Variants in GSDMC observed in about 807,000 individuals in gnomAD.
The protein encoded by GSDMC is gasdermin C, also known as gasdermin-C.
In GSDMC, 59 loss-of-function variants were observed where a neutral mutation model predicts 58.0. The observed-to-expected ratio is 1.02, with a 90% CI of 0.82 to 1.26. The LOEUF is 1.26. Among genes scored for constraint, GSDMC ranks in the 50% most tolerant of loss-of-function variants. The pLI is 0.00. For synonymous variants in GSDMC, 241 were observed against 220.2 expected (o/e 1.09, Z -0.83); for missense variants, 659 against 598.5 (o/e 1.10, Z -1.06).
At chr8:129,708,512 G>T in the GSDMC span, among the ~76,000 whole-genome samples, 1 of 152,232 alleles carries the variant, frequency 6.6e-6, no homozygotes, top group Non-Finnish European at 1.5e-5. Context: ...CTAGAACCCA[G>T]AAAGGGAAAA....
intron 6 of GSDMC, among the ~76,000 whole-genome samples, chr8:129,753,293 C>T (rs2033290632): frequency 6.6e-6 from 1 of 152,182 alleles, no homozygotes; most frequent in Admixed American, 6.5e-5. Flanking sequence ...TGTCCCGCAT[C>T]GTGGATATCA....
the GSDMC span, among the ~76,000 whole-genome samples, chr8:129,742,830 C>T: frequency 1.3e-5 from 2 of 152,138 alleles, no homozygotes; most frequent in African/African-American, 4.8e-5. Flanking sequence ...AGGAAAAATC[C>T]AGTCTCTGCT....
intron 4 of GSDMC, among the ~76,000 whole-genome samples, chr8:129,764,773 A>C (rs2033798202): frequency 6.6e-6 from 1 of 152,190 alleles, no homozygotes; most frequent in South Asian, 2.1e-4. Flanking sequence ...AAAAATTAAA[A>C]AGATTTCCAG....
intron 6 of GSDMC, among the ~76,000 whole-genome samples, chr8:129,759,777 T>C (rs563464002): frequency 2.6e-5 from 4 of 152,292 alleles, no homozygotes; most frequent in South Asian, 2.1e-4. Context: ...TGTAAATTAG[T>C]ACAATCACTC....
chr8:129,776,192 ACACTCACTT>A lies in GSDMC; in HGVS notation c.305_313del (p.Glu102_Ser104del), dbSNP rs755859902. 6.2e-7 allele frequency: 1 copy of A among 1,613,774 alleles called. No individual in the cohort carries two copies. The highest frequency in any genetic ancestry group is 1.3e-5 in the African/African-American group (1 of 74,902). The stretch of plus-strand genomic sequence containing the variant: ...ATGGTCCACAGAGGCCTCCCCTGAC[ACACTCACTT>A]CTATACCAACATTCACACCCATGTC... On this transcript the variant is annotated inframe_deletion, in exon 3 of 14. Transcript: ENST00000276708.
At chr8:129,760,066 A>T (rs2033599410) in intron 6 of GSDMC, among the ~76,000 whole-genome samples, 1 of 152,232 alleles carries the variant, frequency 6.6e-6, no homozygotes, top group Non-Finnish European at 1.5e-5. Flanking sequence ...TTGCAAAAAC[A>T]TTAATGAAAC....
rs537095880 is a variant in GSDMC at position 129,752,685 on chromosome 8, G to A, written c.844+13C>T. On this transcript the variant is annotated intron_variant, in intron 7 of 13. Transcript: ENST00000276708. Reference sequence around the variant, plus strand: ...CAACATAGAAGTAAAAATAAAGTGAGCAATCACAGTACCTGGTTTTAACTT... The same window carrying A: ...CAACATAGAAGTAAAAATAAAGTGAACAATCACAGTACCTGGTTTTAACTT... 4 of 1,613,888 alleles carry A rather than the reference G, an allele frequency of 2.5e-6. No individual in the cohort carries two copies. Among genetic ancestry groups the A allele is most frequent in the South Asian group, 2.2e-5 (2 of 91,040 alleles).
the GSDMC span, among the ~76,000 whole-genome samples, chr8:129,724,680 C>CA: frequency 1.3e-5 from 2 of 151,338 alleles, no homozygotes; most frequent in African/African-American, 2.4e-5. Flanking sequence ...TAGAATTCTT[C>CA]AAAAAAATGA....
chr8:129,745,044 C>T (rs2032932476), downstream of GSDMC, among the ~76,000 whole-genome samples: 1 of 152,194 alleles, frequency 6.6e-6, no homozygotes, highest in South Asian at 2.1e-4. Context: ...CTGACTGTCT[C>T]TCACGGATTT....
intron 2 of GSDMC, 129 bp downstream of exon 2, chr8:129,777,239 T>G (rs2034263381): frequency 1.6e-6 from 1 of 616,452 alleles, no homozygotes; most frequent in Admixed American, 2.9e-5. Context: ...TTCTTGCCCC[T>G]TGCCTATAGG....
intron 6 of GSDMC, among the ~76,000 whole-genome samples, chr8:129,758,272 G>A (rs959890559): frequency 1.3e-5 from 2 of 152,130 alleles, no homozygotes; most frequent in Non-Finnish European, 2.9e-5. Context: ...ACTGAGTGGG[G>A]AAAAATTGAA....
intron 5 of GSDMC, 70 bp from the exon 6 acceptor site, chr8:129,760,659 T>C (rs1967019): frequency 0.27 from 143,135 of 525,910 alleles, 13,656 homozygotes; most frequent in Admixed American, 0.36. Context: ...ACCAGGGAAC[T>C]CCTTATATCA....
intron 8 of GSDMC, 24 bp downstream of exon 8, chr8:129,752,082 A>T: frequency 6.2e-7 from 1 of 1,604,722 alleles, no homozygotes; most frequent in East Asian, 2.2e-5. Flanking sequence ...TTGTCCTGGA[A>T]GGGGAGGGCC....
chr8:129,707,656 A>C, the GSDMC span, among the ~76,000 whole-genome samples: 6 of 152,250 alleles, frequency 3.9e-5, no homozygotes, highest in East Asian at 1.2e-3. Flanking sequence ...CAATGGAAAC[A>C]GCACAAATGT....
the GSDMC span, among the ~76,000 whole-genome samples, chr8:129,742,297 G>T: frequency 6.6e-6 from 1 of 152,140 alleles, no homozygotes; most frequent in Admixed American, 6.5e-5. Flanking sequence ...TGATGAGAAA[G>T]TGAAGTGATA....
At chr8:129,715,813 A>C in the GSDMC span, among the ~76,000 whole-genome samples, 1 of 152,194 alleles carries the variant, frequency 6.6e-6, no homozygotes, top group Non-Finnish European at 1.5e-5. Context: ...AAATATCTTT[A>C]AACAAACTAA....
chr8:129,708,333 C>A, the GSDMC span, among the ~76,000 whole-genome samples: 2 of 152,174 alleles, frequency 1.3e-5, no homozygotes, highest in African/African-American at 4.8e-5. Context: ...GTAAAGAGGG[C>A]AGATTGGTTG....
chr8:129,779,219 T>C lies in GSDMC; in HGVS notation c.-4-1628A>G, dbSNP rs150984327. On this transcript the variant is annotated intron_variant, in intron 1 of 13. Transcript: ENST00000276708. ...GACATGGAATAAACCTAAATGCCCA[T>C]CAACTATGGACTAGATAAAGAAAAC... Among the ~76,000 whole-genome samples, 3 of 152,178 alleles carry C rather than the reference T, an allele frequency of 2.0e-5. No individual in the cohort carries two copies. In the East Asian group the frequency reaches 5.8e-4, roughly 29 times the overall value.
At chr8:129,783,327 C>A (rs2034470105) in intron 1 of GSDMC, among the ~76,000 whole-genome samples, 1 of 151,996 alleles carries the variant, frequency 6.6e-6, no homozygotes, top group Non-Finnish European at 1.5e-5. Flanking sequence ...ATGATGTGGT[C>A]TTATATATGG....
Sources: allele counts gnomAD v4.1 joint callset (sites outside exome capture counted in the v4.1 genomes callset), GRCh38; gene constraint gnomAD v4.1.1; transcripts MANE v1.5; gene names NCBI Gene and HGNC (gene_info 2026-07-23, HGNC 2026-07-21).